The following ANKLE2 variants were observed in gnomAD, a reference collection of about 807,000 sequenced individuals.
ANKLE2 encodes ankyrin repeat and LEM domain-containing protein 2.
A neutral mutation model predicts 84.2 loss-of-function variants in ANKLE2; 55 were observed. The ratio of observed to expected loss-of-function variants is 0.65; its 90% CI spans 0.53 to 0.82. The LOEUF (loss-of-function observed/expected upper bound fraction) is 0.82, where lower values mean the gene tolerates loss of function less well. Ranked by LOEUF, ANKLE2 falls within the 40% of genes least tolerant of loss-of-function variation. ANKLE2 has a pLI of 0.00. For missense variants in ANKLE2, 1,238 were observed against 1,201.9 expected (o/e 1.03, Z -0.44); for synonymous variants, 551 against 486.1 (o/e 1.13, Z -1.76).
At chr12:132,751,488 G>A (rs1453034672) in intron 2 of ANKLE2, among the ~76,000 whole-genome samples, 7 of 151,072 alleles carry the variant, frequency 4.6e-5, no homozygotes, top group Non-Finnish European at 8.9e-5. Flanking sequence ...TGATCTGTCC[G>A]CCTCGGCCTC....
At chr12:132,752,260 A>G (rs952922870) in intron 2 of ANKLE2, among the ~76,000 whole-genome samples, 1 of 152,144 alleles carries the variant, frequency 6.6e-6, no homozygotes. Flanking sequence ...AAATCACTGG[A>G]ACCCAAAAGG....
intron 2 of ANKLE2, 88 bp downstream of exon 2, chr12:132,754,587 A>C (rs559515339): frequency 1.5e-6 from 2 of 1,338,124 alleles, no homozygotes; most frequent in Non-Finnish European, 2.0e-6. Context: ...TTTCCTTCTT[A>C]ATCTGTAGTT....
chr12:132,751,838 C>A (rs1172362920), intron 2 of ANKLE2, among the ~76,000 whole-genome samples: 2 of 152,236 alleles, frequency 1.3e-5, no homozygotes, highest in Admixed American at 1.3e-4. Context: ...CCACTGTACC[C>A]GGCTGGGAAT....
chr12:132,748,386 C>A (rs1405757694), intron 3 of ANKLE2, 55 bp from the exon 4 acceptor site: 1 of 1,589,044 alleles, frequency 6.3e-7, no homozygotes, highest in African/African-American at 1.3e-5. Context: ...AGTCACTCAT[C>A]ACCCATGCAC....
chr12:132,751,099 T>C (rs2044346019), intron 2 of ANKLE2: 1 of 345,620 alleles, frequency 2.9e-6, no homozygotes, highest in Non-Finnish European at 5.1e-6. Context: ...TATGCCAAGA[T>C]TCTATCCTAA....
At chr12:132,734,011 G>A (rs1286900792) in intron 10 of ANKLE2, 2 of 462,328 alleles carry the variant, frequency 4.3e-6, no homozygotes, top group East Asian at 1.4e-4. Flanking sequence ...CAGCACTCTA[G>A]TGGATCACGA....
chr12:132,745,425 C>G (rs1053153733), intron 5 of ANKLE2: 5 of 155,416 alleles, frequency 3.2e-5, no homozygotes, highest in African/African-American at 1.2e-4. Flanking sequence ...TGAAACGGAA[C>G]CCTCTCTAAC....
Position 132,753,773 on chromosome 12 carries a change from C to A in ANKLE2, c.640+902G>T, listed in dbSNP as rs565207128. On this transcript the variant is annotated intron_variant, in intron 2 of 12. Coordinates refer to ENST00000357997, the MANE Select transcript of ANKLE2 (RefSeq NM_015114.3). ...CAAAACAAAACAAAACAAAAAAAAA[C>A]CATAAAAATTAGCTGTGCGTGGTGG... Among the ~76,000 whole-genome samples the A allele has an allele frequency of 1.1e-4, 17 of 151,372 alleles. No homozygotes were observed. The South Asian group carries it at 2.3e-3, about 20-fold the overall frequency.
At position 132,747,983 on chromosome 12, in the gene ANKLE2, T is replaced by G; in HGVS notation, c.1079A>C (p.Lys360Thr). Residue 360 changes from lysine to threonine, a missense_variant, in exon 5 of 13, where the codon AAA becomes ACA. Lys to Thr is a moderately conservative substitution (Grantham distance 78). Transcript: ENST00000357997. The part of the protein sequence containing the change: ...CRYNVMHVAA[K>T]ENQASICQLT... The stretch of plus-strand genomic sequence containing the variant: ...CTGGCAGATGGAAGCCTGGTTCTCT[T>G]TGGCAGCAACATGCATCACGTTGTA... The G allele has an allele frequency of 1.3e-6, 2 of 1,597,366 alleles. No individual in the cohort carries two copies. Among genetic ancestry groups the G allele is most frequent in the Non-Finnish European group, 1.7e-6 (2 of 1,175,672 alleles).
chr12:132,754,374 G>A (rs577175146), intron 2 of ANKLE2, among the ~76,000 whole-genome samples: 26 of 152,260 alleles, frequency 1.7e-4, no homozygotes, highest in Admixed American at 2.6e-4. Flanking sequence ...TTAAAAAGGC[G>A]GAGATGACTA....
chr12:132,751,033 C>A (rs2044343969), intron 2 of ANKLE2, 184 bp from the exon 3 acceptor site: 1 of 602,132 alleles, frequency 1.7e-6, no homozygotes, highest in Non-Finnish European at 2.9e-6. Flanking sequence ...ACAAGCTCGA[C>A]AGTGTGCATA....
chr12:132,738,296 G>C (rs898085255), intron 7 of ANKLE2: 1 of 152,322 alleles, frequency 6.6e-6, no homozygotes, highest in African/African-American at 2.4e-5. Context: ...TGTGAGTATG[G>C]AAAAAGCACA....
At chr12:132,733,339 T>C (rs1206623692) in intron 10 of ANKLE2, among the ~76,000 whole-genome samples, 1 of 148,926 alleles carries the variant, frequency 6.7e-6, no homozygotes, top group Non-Finnish European at 1.5e-5. Flanking sequence ...TGCGTCCTGG[T>C]GTCTGATATG....
intron 3 of ANKLE2, among the ~76,000 whole-genome samples, chr12:132,750,204 C>CAAAAAAAA (rs1038591889): frequency 3.8e-5 from 3 of 79,364 alleles, no homozygotes; most frequent in African/African-American, 1.0e-4. Flanking sequence ...GACTCCATCT[C>CAAAAAAAA]AAAAAAAAAA....
At position 132,748,348 on chromosome 12, in the gene ANKLE2, GA is replaced by G. The variant is rs1315968062; in HGVS notation, c.848-18del. The G allele has an allele frequency of 6.2e-7, 1 of 1,613,466 alleles. No homozygotes were observed. The highest frequency in any genetic ancestry group is 2.2e-5 in the East Asian group (1 of 44,878). On this transcript the variant is annotated intron_variant, in intron 3 of 12. Transcript: ENST00000357997. The stretch of plus-strand genomic sequence containing the variant: ...ACAAACCATCTGTCAGTAAGAGACA[GA>G]ATTTAAGAACAATCAGTTTCACCAA...
At chr12:132,759,067 A>T (rs11147054) in intron 1 of ANKLE2, 3,362 of 22,670 alleles carry the variant, frequency 0.15, 47 homozygotes, top group South Asian at 0.16. Flanking sequence ...CGTGGCAGAG[A>T]GGATCGCTGC....
At position 132,748,882 on chromosome 12, in the gene ANKLE2, T is replaced by TATACACAC. The variant is rs1380526374; in HGVS notation, c.848-552_848-551insGTGTGTAT. ...ATACATATATATATATATATATATA[T>TATACACAC]ACACACGTATTTTTAGAGATGAGGT... On this transcript the variant is annotated intron_variant, in intron 3 of 12. Coordinates refer to ENST00000357997, the MANE Select transcript of ANKLE2 (RefSeq NM_015114.3). The TATACACAC allele has an allele frequency of 4.0e-5, 6 of 148,616 alleles. No homozygotes were observed. In the South Asian group the frequency reaches 1.1e-3, roughly 26 times the overall value. 9.2% of individuals were successfully genotyped at this position (148,616 alleles called of 1,614,324 possible).
chr12:132,744,061 G>A (rs2044185359), intron 5 of ANKLE2, among the ~76,000 whole-genome samples: 1 of 152,112 alleles, frequency 6.6e-6, no homozygotes, highest in African/African-American at 2.4e-5. Context: ...GCTGCGTCAC[G>A]CCCTCCTTCC....
chr12:132,761,778 C>A lies in ANKLE2; in HGVS notation c.21G>T (p.Ala7=). The A allele has an allele frequency of 8.6e-7, 1 of 1,156,376 alleles. No individual in the cohort carries two copies. The highest frequency in any genetic ancestry group is 1.1e-6 in the Non-Finnish European group (1 of 941,452). 71.6% of individuals were successfully genotyped at this position (1,156,376 alleles called of 1,614,324 possible). A position where few individuals can be genotyped will look rare whatever the true frequency, so the allele number is the denominator to read the frequency against. MLWPRL[A]AAEWAALAWE... ...AGGCCAGCGCCGCCCACTCGGCCGC[C>A]GCCAGCCGCGGCCACAGCATCGCCG... Residue 7 remains alanine (A), a synonymous_variant, in exon 1 of 13, where the codon GCG becomes GCT. Coordinates refer to ENST00000357997, the MANE Select transcript of ANKLE2 (RefSeq NM_015114.3).
Sources: gnomAD v4.1 joint callset for allele counts (sites outside exome capture counted in the v4.1 genomes callset) on GRCh38, gnomAD v4.1.1 for gene constraint, MANE v1.5 for transcripts, NCBI Gene and HGNC (gene_info 2026-07-23, HGNC 2026-07-21) for gene names.